The following FBXW11 variants were observed in gnomAD, a reference collection of about 807,000 sequenced individuals.
FBXW11 encodes F-box/WD repeat-containing protein 11.
In FBXW11, 19 loss-of-function variants were observed where a neutral mutation model predicts 77.6. That is an observed-to-expected ratio of 0.24 (90% CI 0.17 to 0.36). FBXW11 has a LOEUF of 0.36. Among genes scored for constraint, FBXW11 ranks in the 10% least tolerant of loss-of-function variants. The probability of loss-of-function intolerance (pLI) is 1.00; values close to 1 mark genes in which losing one functional copy is unlikely to be tolerated. For synonymous variants in FBXW11, 235 were observed against 249.4 expected, an observed-to-expected ratio of 0.94 and a Z score of 0.54; for missense variants, 334 against 704.2, an observed-to-expected ratio of 0.47 and a Z score of 5.95.
At chr5:171,905,969 T>C (rs960536211) in intron 4 of FBXW11, among the ~76,000 whole-genome samples, 9 of 152,212 alleles carry the variant, frequency 5.9e-5, no homozygotes, top group Non-Finnish European at 1.0e-4. Context: ...GCTGAAGACA[T>C]GCTGCTGTTG....
intron 6 of FBXW11, among the ~76,000 whole-genome samples, chr5:171,896,730 C>A (rs988908704): frequency 7.2e-5 from 11 of 152,260 alleles, no homozygotes; most frequent in Middle Eastern, 3.4e-3. Context: ...ATAACATGCA[C>A]CTTGTTGTAA....
intron 1 of FBXW11, among the ~76,000 whole-genome samples, chr5:171,985,994 A>G (rs976745433): frequency 7.2e-5 from 11 of 152,102 alleles, no homozygotes; most frequent in African/African-American, 2.7e-4. Flanking sequence ...ATAAAGTGAA[A>G]TTGGTCTCAT....
intron 4 of FBXW11, among the ~76,000 whole-genome samples, chr5:171,907,048 T>G (rs1237066844): frequency 1.3e-5 from 2 of 152,218 alleles, no homozygotes; most frequent in Admixed American, 1.3e-4. Context: ...TGTCCCTACT[T>G]TACATGGTAT....
At chr5:171,900,333 C>T (rs1029631757) in intron 4 of FBXW11, among the ~76,000 whole-genome samples, 1 of 152,170 alleles carries the variant, frequency 6.6e-6, no homozygotes, top group Admixed American at 6.6e-5. Context: ...TGTGTAAAAG[C>T]TGACCTTGGA....
chr5:171,929,378 TA>T (rs892862826), intron 2 of FBXW11, among the ~76,000 whole-genome samples: 6 of 150,226 alleles, frequency 4.0e-5, no homozygotes, highest in African/African-American at 1.5e-4. Flanking sequence ...CAAAAAAAAA[TA>T]ATAATAAACC....
At chr5:171,900,917 C>A (rs1485032043) in intron 4 of FBXW11, among the ~76,000 whole-genome samples, 1 of 152,164 alleles carries the variant, frequency 6.6e-6, no homozygotes, top group Non-Finnish European at 1.5e-5. Context: ...ATCAACATGG[C>A]CACCACTGTT....
At chr5:171,980,843 T>C (rs969470904) in intron 1 of FBXW11, among the ~76,000 whole-genome samples, 8 of 152,168 alleles carry the variant, frequency 5.3e-5, no homozygotes, top group Admixed American at 3.9e-4. Context: ...TGACCCCCAT[T>C]ACTGGCACAA....
chr5:171,924,085 C>A (rs1761758192), intron 2 of FBXW11, among the ~76,000 whole-genome samples: 1 of 151,810 alleles, frequency 6.6e-6, no homozygotes, highest in Non-Finnish European at 1.5e-5. Flanking sequence ...CCACGACACC[C>A]AACTATTTTT....
intron 2 of FBXW11, among the ~76,000 whole-genome samples, chr5:171,927,932 T>C (rs994235903): frequency 1.3e-5 from 2 of 152,206 alleles, no homozygotes; most frequent in Non-Finnish European, 2.9e-5. Context: ...GACTTCATAC[T>C]ACAAGTTATT....
chr5:171,980,249 GAA>G (rs1388877126), intron 1 of FBXW11, among the ~76,000 whole-genome samples: 1 of 152,128 alleles, frequency 6.6e-6, no homozygotes, highest in East Asian at 1.9e-4. Flanking sequence ...AGATGGGGAG[GAA>G]AGTCTTTGAA....
intron 1 of FBXW11, among the ~76,000 whole-genome samples, chr5:171,988,550 T>C (rs1409614945): frequency 6.6e-6 from 1 of 152,060 alleles, no homozygotes; most frequent in East Asian, 1.9e-4. Context: ...GGAGTGGCAA[T>C]TTAAAAACTA....
chr5:171,941,632 C>A (rs536199716), intron 2 of FBXW11, among the ~76,000 whole-genome samples: 14 of 151,640 alleles, frequency 9.2e-5, no homozygotes, highest in African/African-American at 2.4e-4. Flanking sequence ...GAGAAGCATT[C>A]GGTCAGCTTT....
At chr5:171,939,849 T>A (rs1031793180) in intron 2 of FBXW11, among the ~76,000 whole-genome samples, 1 of 152,130 alleles carries the variant, frequency 6.6e-6, no homozygotes, top group Non-Finnish European at 1.5e-5. Context: ...ATACACACAC[T>A]CTTCCCGCTA....
intron 4 of FBXW11, among the ~76,000 whole-genome samples, chr5:171,905,602 T>TCC (rs766171553): frequency 0.095 from 4,132 of 43,638 alleles, 142 homozygotes; most frequent in South Asian, 0.37. Context: ...CCCCCCCCTT[T>TCC]ATTTTCTTGG....
intron 7 of FBXW11, among the ~76,000 whole-genome samples, chr5:171,878,490 G>T (rs1019769632): frequency 5.3e-5 from 8 of 151,996 alleles, no homozygotes; most frequent in Admixed American, 6.6e-5. Context: ...GAGACAGAAG[G>T]ATCGCTTGAG....
At chr5:171,885,206 T>C (rs1561647573) in intron 7 of FBXW11, among the ~76,000 whole-genome samples, 1 of 152,138 alleles carries the variant, frequency 6.6e-6, no homozygotes, top group Non-Finnish European at 1.5e-5. Context: ...CCTAGTATAG[T>C]TTTAAAAGTT....
chr5:171,891,912 C>T (rs959186297), intron 6 of FBXW11, among the ~76,000 whole-genome samples: 1 of 151,960 alleles, frequency 6.6e-6, no homozygotes, highest in Admixed American at 6.6e-5. Flanking sequence ...CCAAAACATG[C>T]AAATAAATAG....
intron 7 of FBXW11, among the ~76,000 whole-genome samples, chr5:171,881,536 C>T (rs1460824866): frequency 2.6e-5 from 4 of 152,142 alleles, no homozygotes; most frequent in African/African-American, 9.7e-5. Flanking sequence ...AGATATTGGT[C>T]TGTGGTTTTC....
intron 4 of FBXW11, 34 bp from the exon 5 acceptor site, chr5:171,900,134 A>G: frequency 6.4e-7 from 1 of 1,551,376 alleles, no homozygotes; most frequent in Non-Finnish European, 8.8e-7. Flanking sequence ...AGGAACGGGA[A>G]GAGAGATAGA....
Sources: gnomAD v4.1 joint callset for allele counts (sites outside exome capture counted in the v4.1 genomes callset) on GRCh38, gnomAD v4.1.1 for gene constraint, MANE v1.5 for transcripts, NCBI Gene and HGNC (gene_info 2026-07-23, HGNC 2026-07-21) for gene names.